CNTN6: variants seen among roughly 807,000 people sequenced by gnomAD.
The protein encoded by CNTN6 is contactin-6.
Under a neutral mutation model 122.8 loss-of-function variants are expected in CNTN6, and 137 were observed. The ratio of observed to expected loss-of-function variants is 1.12; its 90% CI spans 0.97 to 1.29. The LOEUF is 1.29. Ranked by LOEUF, CNTN6 falls within the 50% of genes most tolerant of loss-of-function variation. The pLI, the probability that CNTN6 is intolerant of heterozygous loss-of-function variation, is 0.00. For missense variants in CNTN6, 1,634 were observed against 1,223.4 expected, an observed-to-expected ratio of 1.34 and a Z score of -5.01; for synonymous variants, 570 against 426.0, an observed-to-expected ratio of 1.34 and a Z score of -4.16.
intron 4 of CNTN6, among the ~76,000 whole-genome samples, chr3:1,250,533 C>T (rs1457458560): frequency 6.6e-6 from 1 of 152,162 alleles, no homozygotes; most frequent in Non-Finnish European, 1.5e-5. Flanking sequence ...TTTGCCTTGA[C>T]ATCACCATCT....
At chr3:1,270,821 T>G (rs986466850) in intron 4 of CNTN6, among the ~76,000 whole-genome samples, 1 of 152,230 alleles carries the variant, frequency 6.6e-6, no homozygotes, top group Non-Finnish European at 1.5e-5. Context: ...ACTTTCTAGA[T>G]AGAGAGGCAG....
At chr3:1,096,132 A>C (rs988050845) in intron 1 of CNTN6, among the ~76,000 whole-genome samples, 1 of 152,124 alleles carries the variant, frequency 6.6e-6, no homozygotes, top group African/African-American at 2.4e-5. Context: ...AAATGTTTAA[A>C]CATTTTTGGA....
At chr3:1,211,592 G>T (rs1309969058) in intron 2 of CNTN6, among the ~76,000 whole-genome samples, 1 of 151,992 alleles carries the variant, frequency 6.6e-6, no homozygotes, top group Admixed American at 6.6e-5. Flanking sequence ...AAAATTCAGG[G>T]AATAAAGCCT....
chr3:1,170,027 G>C (rs1204439969), intron 2 of CNTN6, among the ~76,000 whole-genome samples: 1 of 151,920 alleles, frequency 6.6e-6, no homozygotes, highest in Non-Finnish European at 1.5e-5. Flanking sequence ...TTGAGGTCAG[G>C]AGTTCAAGAC....
At chr3:1,312,311 C>T (rs913714378) in intron 7 of CNTN6, among the ~76,000 whole-genome samples, 1 of 148,688 alleles carries the variant, frequency 6.7e-6, no homozygotes, top group South Asian at 2.1e-4. Flanking sequence ...TAAAAATCAT[C>T]CAAGAAGAAT....
intron 4 of CNTN6, among the ~76,000 whole-genome samples, chr3:1,248,939 A>G (rs974480961): frequency 2.1e-4 from 32 of 152,210 alleles, no homozygotes; most frequent in African/African-American, 6.3e-4. Context: ...TAATCATTCA[A>G]CTAATGCTTG....
intron 1 of CNTN6, among the ~76,000 whole-genome samples, chr3:1,113,622 A>G (rs2091583224): frequency 6.6e-6 from 1 of 152,188 alleles, no homozygotes; most frequent in Non-Finnish European, 1.5e-5. Flanking sequence ...ATTTAAATTT[A>G]ATGATTCTGG....
chr3:1,385,301 G>GACTTGTTATACATCA (rs1692702088), intron 19 of CNTN6, among the ~76,000 whole-genome samples: 1 of 152,048 alleles, frequency 6.6e-6, no homozygotes, highest in Non-Finnish European at 1.5e-5. Context: ...GTTTTTGTCT[G>GACTTGTTATACATCA]ACTTGTTATA....
At chr3:1,243,539 T>C (rs1157802633) in intron 4 of CNTN6, among the ~76,000 whole-genome samples, 2 of 152,006 alleles carry the variant, frequency 1.3e-5, no homozygotes, top group African/African-American at 4.8e-5. Flanking sequence ...AGACGGCCTT[T>C]TGACCTTTTA....
intron 21 of CNTN6, among the ~76,000 whole-genome samples, 182 bp from the exon 22 acceptor site, chr3:1,402,136 A>G (rs1285663780): frequency 6.6e-6 from 1 of 152,070 alleles, no homozygotes; most frequent in African/African-American, 2.4e-5. Context: ...CCAAAAAAAA[A>G]AACACCTCTT....
intron 1 of CNTN6, among the ~76,000 whole-genome samples, chr3:1,120,284 T>C (rs958714820): frequency 3.9e-5 from 6 of 151,970 alleles, no homozygotes; most frequent in African/African-American, 1.4e-4. Flanking sequence ...GTAAATGTTT[T>C]TGAAAGTGGT....
intron 2 of CNTN6, among the ~76,000 whole-genome samples, chr3:1,217,409 A>C (rs1379366602): frequency 1.3e-5 from 2 of 152,230 alleles, no homozygotes; most frequent in African/African-American, 4.8e-5. Context: ...TGTGCATTGC[A>C]CTGGAGGGGA....
At chr3:1,132,942 A>T (rs2092378598) in intron 1 of CNTN6, among the ~76,000 whole-genome samples, 1 of 152,146 alleles carries the variant, frequency 6.6e-6, no homozygotes, top group Non-Finnish European at 1.5e-5. Flanking sequence ...ATTGCTTCTG[A>T]GAGGCTTTTT....
intron 11 of CNTN6, among the ~76,000 whole-genome samples, chr3:1,344,921 C>T (rs891871268): frequency 6.6e-6 from 1 of 152,062 alleles, no homozygotes; most frequent in Non-Finnish European, 1.5e-5. Context: ...CCTCTGGTCC[C>T]TCGATCATGT....
intron 20 of CNTN6, chr3:1,394,061 A>G (rs77555197): frequency 8.9e-4 from 142 of 159,850 alleles, no homozygotes; most frequent in African/African-American, 3.1e-3. Context: ...TCACACAGCA[A>G]TGAAGGGGGA....
chr3:1,360,979 A>G (rs747800285), intron 12 of CNTN6, among the ~76,000 whole-genome samples: 2 of 152,094 alleles, frequency 1.3e-5, no homozygotes, highest in Admixed American at 6.6e-5. Flanking sequence ...TTCAGCTTCA[A>G]GGTACATACA....
intron 17 of CNTN6, among the ~76,000 whole-genome samples, chr3:1,379,219 C>CT (rs1462095179): frequency 1.3e-5 from 2 of 152,054 alleles, no homozygotes; most frequent in Non-Finnish European, 2.9e-5. Flanking sequence ...TTATAATGTT[C>CT]TTTTTTCTTT....
intron 16 of CNTN6, among the ~76,000 whole-genome samples, chr3:1,376,588 TAAA>T (rs1408882616): frequency 2.0e-5 from 3 of 151,958 alleles, no homozygotes; most frequent in Admixed American, 1.3e-4. Flanking sequence ...TGATGACTAA[TAAA>T]AGGAAAAATT....
chr3:1,095,068 A>G (rs1337328327), intron 1 of CNTN6, among the ~76,000 whole-genome samples: 1 of 152,066 alleles, frequency 6.6e-6, no homozygotes, highest in African/African-American at 2.4e-5. Context: ...TTTTGTAAGA[A>G]TGGTTTCTTA....
Sources: allele counts gnomAD v4.1 joint callset (sites outside exome capture counted in the v4.1 genomes callset), GRCh38; gene constraint gnomAD v4.1.1; transcripts MANE v1.5; gene names NCBI Gene and HGNC (gene_info 2026-07-23, HGNC 2026-07-21).